The following MAGI2 variants were observed in gnomAD, a reference collection of about 807,000 sequenced individuals.
MAGI2 encodes membrane-associated guanylate kinase, WW and PDZ domain-containing protein 2.
A neutral mutation model predicts 133.3 loss-of-function variants in MAGI2; 35 were observed. The ratio of observed to expected loss-of-function variants is 0.26; its 90% confidence interval spans 0.20 to 0.35. The LOEUF (loss-of-function observed/expected upper bound fraction) is 0.35. Ranked by LOEUF, MAGI2 falls within the 10% of genes least tolerant of loss-of-function variation. The probability of loss-of-function intolerance (pLI) is 1.00; values close to 1 mark genes in which losing one functional copy is unlikely to be tolerated. For synonymous variants in MAGI2, 729 were observed against 710.6 expected (o/e 1.03, Z -0.41); for missense variants, 1,636 against 1,863.4 (o/e 0.88, Z 2.25).
At chr7:79,422,658 T>A (rs1461711050) in intron 1 of MAGI2, among the ~76,000 whole-genome samples, 2 of 151,918 alleles carry the variant, frequency 1.3e-5, no homozygotes, top group Admixed American at 1.3e-4. Context: ...GTTTGGTATT[T>A]TTTTTGTGGT....
At chr7:78,370,916 C>T (rs1285623372) in intron 6 of MAGI2, among the ~76,000 whole-genome samples, 1 of 151,824 alleles carries the variant, frequency 6.6e-6, no homozygotes, top group East Asian at 1.9e-4. Context: ...TTTTAGAGTA[C>T]CTTAAGAAAT....
intron 6 of MAGI2, among the ~76,000 whole-genome samples, chr7:78,473,209 T>C (rs1791406767): frequency 6.6e-6 from 1 of 152,110 alleles, no homozygotes; most frequent in South Asian, 2.1e-4. Flanking sequence ...TCTGGATTGC[T>C]ACCATCTGAT....
intron 10 of MAGI2, among the ~76,000 whole-genome samples, chr7:78,202,129 G>C (rs1007524653): frequency 6.6e-6 from 1 of 152,002 alleles, no homozygotes; most frequent in Admixed American, 6.6e-5. Context: ...ACTTAAGTTA[G>C]TATAAGGTAG....
intron 2 of MAGI2, among the ~76,000 whole-genome samples, chr7:78,862,859 G>T (rs142250089): frequency 1.9e-4 from 29 of 152,302 alleles, no homozygotes; most frequent in Non-Finnish European, 4.0e-4. Context: ...TTTACTAGAA[G>T]ATGCCTAGAA....
At chr7:79,108,868 G>GTT in intron 1 of MAGI2, among the ~76,000 whole-genome samples, 1 of 152,242 alleles carries the variant, frequency 6.6e-6, no homozygotes, top group African/African-American at 2.4e-5. Context: ...AGATCTGGTT[G>GTT]TTTAAAAGTG....
intron 10 of MAGI2, chr7:78,252,340 G>GTTTGTTCC (rs1563329262): frequency 2.0e-5 from 3 of 151,782 alleles, no homozygotes; most frequent in Non-Finnish European, 2.9e-5. Flanking sequence ...CAATGGAACA[G>GTTTGTTCC]AATAGGGCAT....
chr7:78,372,808 T>C (rs1794057149), intron 6 of MAGI2, among the ~76,000 whole-genome samples: 1 of 152,168 alleles, frequency 6.6e-6, no homozygotes, highest in East Asian at 1.9e-4. Flanking sequence ...TTAAATTTAA[T>C]TGTGCTTCCC....
At chr7:78,726,932 G>C (rs758141895) in intron 2 of MAGI2, among the ~76,000 whole-genome samples, 1 of 135,288 alleles carries the variant, frequency 7.4e-6, no homozygotes, top group African/African-American at 2.8e-5. Flanking sequence ...TTTTTTTTTT[G>C]AAGTATTTAT....
At chr7:78,520,998 A>C (rs1796446934) in intron 4 of MAGI2, among the ~76,000 whole-genome samples, 1 of 152,212 alleles carries the variant, frequency 6.6e-6, no homozygotes, top group South Asian at 2.1e-4. Flanking sequence ...CTCTACTGAG[A>C]GAAGTGCAAG....
intron 3 of MAGI2, among the ~76,000 whole-genome samples, chr7:78,584,594 G>A (rs1803208296): frequency 6.6e-6 from 1 of 152,202 alleles, no homozygotes; most frequent in South Asian, 2.1e-4. Context: ...TATGTGTGAT[G>A]AAGACCAAGT....
chr7:78,461,980 T>C (rs1310810901), intron 6 of MAGI2, among the ~76,000 whole-genome samples: 2 of 137,832 alleles, frequency 1.5e-5, no homozygotes, highest in Non-Finnish European at 3.2e-5. Context: ...TAAATGATTA[T>C]AATGTAAAAT....
At chr7:78,033,472 C>CAAAAAAAA (rs199985014) in intron 21 of MAGI2, among the ~76,000 whole-genome samples, 23 of 132,360 alleles carry the variant, frequency 1.7e-4, no homozygotes, top group African/African-American at 3.4e-4. Context: ...GAGCTTGTCT[C>CAAAAAAAA]AAAAAAAAAA....
At chr7:79,444,199 T>C (rs929350585) in intron 1 of MAGI2, among the ~76,000 whole-genome samples, 1 of 152,138 alleles carries the variant, frequency 6.6e-6, no homozygotes, top group African/African-American at 2.4e-5. Flanking sequence ...AAACCCACAG[T>C]CAATATCATA....
intron 1 of MAGI2, among the ~76,000 whole-genome samples, chr7:79,090,380 T>C (rs1302877745): frequency 6.6e-6 from 1 of 152,104 alleles, no homozygotes; most frequent in Non-Finnish European, 1.5e-5. Context: ...AATTTGTAAC[T>C]GGAAATAATG....
At chr7:78,413,324 GA>G (rs1798021652) in intron 6 of MAGI2, among the ~76,000 whole-genome samples, 1 of 152,052 alleles carries the variant, frequency 6.6e-6, no homozygotes, top group South Asian at 2.1e-4. Context: ...ATTAGTGGAA[GA>G]AAATGGTGTC....
intron 1 of MAGI2, among the ~76,000 whole-genome samples, chr7:79,356,078 A>T (rs1361303833): frequency 6.6e-6 from 1 of 152,208 alleles, no homozygotes; most frequent in Admixed American, 6.5e-5. Context: ...TGCTTAAAGG[A>T]TATAATTTTG....
intron 1 of MAGI2, among the ~76,000 whole-genome samples, chr7:79,404,097 A>G (rs1845648581): frequency 6.6e-6 from 1 of 152,186 alleles, no homozygotes; most frequent in African/African-American, 2.4e-5. Context: ...ACTGTCTGAC[A>G]GTCTAGCCCT....
At chr7:79,170,357 G>T (rs191019354) in intron 1 of MAGI2, among the ~76,000 whole-genome samples, 2 of 151,454 alleles carry the variant, frequency 1.3e-5, no homozygotes, top group African/African-American at 4.8e-5. Context: ...AAAAATTTTT[G>T]TAGAGACAGG....
chr7:78,408,601 A>G (rs1797598149), intron 6 of MAGI2, among the ~76,000 whole-genome samples: 1 of 152,090 alleles, frequency 6.6e-6, no homozygotes, highest in South Asian at 2.1e-4. Flanking sequence ...TCAATTAGTA[A>G]GCAGAGACCT....
Sources: gnomAD v4.1 joint callset for allele counts (sites outside exome capture counted in the v4.1 genomes callset) on GRCh38, gnomAD v4.1.1 for gene constraint, MANE v1.5 for transcripts, NCBI Gene and HGNC (gene_info 2026-07-23, HGNC 2026-07-21) for gene names.